KDM5A: variants seen among roughly 807,000 people sequenced by gnomAD.
KDM5A encodes lysine demethylase 5A.
Under a neutral mutation model 193.5 loss-of-function variants are expected in KDM5A, and 42 were observed. That is an observed-to-expected ratio of 0.22 (90% CI 0.17 to 0.28). The LOEUF (loss-of-function observed/expected upper bound fraction) is 0.28. Among genes scored for constraint, KDM5A ranks in the 10% least tolerant of loss-of-function variants. The probability of loss-of-function intolerance (pLI) is 1.00; values close to 1 mark genes in which losing one functional copy is unlikely to be tolerated. For missense variants in KDM5A, 1,692 were observed against 2,055.1 expected (o/e 0.82, Z 3.42); for synonymous variants, 796 against 718.1 (o/e 1.11, Z -1.73).
intron 24 of KDM5A, among the ~76,000 whole-genome samples, chr12:297,450 G>GT (rs1325666446): frequency 6.6e-6 from 1 of 152,200 alleles, no homozygotes; most frequent in African/African-American, 2.4e-5. Context: ...TGATGAATGT[G>GT]TAAGTTAAAC....
intron 18 of KDM5A, among the ~76,000 whole-genome samples, 193 bp from the exon 19 acceptor site, chr12:318,654 C>A (rs1943680030): frequency 6.6e-6 from 1 of 152,178 alleles, no homozygotes; most frequent in South Asian, 2.1e-4. Flanking sequence ...TATTCTCCTA[C>A]TTTTAAAATA....
At position 282,386 on chromosome 12, in the gene KDM5A, A is replaced by G. The variant is rs1943165941; in HGVS notation, c.*3070T>C. 1 of 233,310 alleles carries G rather than the reference A, an allele frequency of 4.3e-6. No individual in the cohort carries two copies. 14.5% of individuals were successfully genotyped at this position (233,310 alleles called of 1,614,324 possible). On this transcript the variant is annotated 3_prime_UTR_variant, in exon 28 of 28. Transcript: ENST00000399788. ...TTCAAGGTATGACATGCAATAATTTATAATTTTACTGAGGCACAAATTTGA... is the reference window on the plus strand; with the variant it reads ...TTCAAGGTATGACATGCAATAATTTGTAATTTTACTGAGGCACAAATTTGA...
intron 5 of KDM5A, among the ~76,000 whole-genome samples, chr12:360,114 A>C (rs1447550111): frequency 6.6e-6 from 1 of 152,116 alleles, no homozygotes; most frequent in Non-Finnish European, 1.5e-5. Flanking sequence ...CTCTACTAAA[A>C]ATATAAAAAA....
intron 14 of KDM5A, 134 bp from the exon 15 acceptor site, chr12:323,915 C>A: frequency 1.4e-6 from 1 of 729,532 alleles, no homozygotes; most frequent in Non-Finnish European, 2.4e-6. Context: ...AATGGCACAA[C>A]ATCAAAATAC....
At chr12:379,400 T>C (rs181652410) in intron 3 of KDM5A, among the ~76,000 whole-genome samples, 40 of 152,286 alleles carry the variant, frequency 2.6e-4, no homozygotes, top group Non-Finnish European at 4.1e-4. Context: ...GGAAAGGAGA[T>C]GAAACAACCC....
At chr12:337,049 T>TG (rs1476836596) in intron 10 of KDM5A, among the ~76,000 whole-genome samples, 1 of 152,164 alleles carries the variant, frequency 6.6e-6, no homozygotes, top group African/African-American at 2.4e-5. Context: ...CCGGATCATG[T>TG]GGGCAGATTT....
rs1943348785 is a variant in KDM5A, at chr12:294,802, T to C, written c.4455+771A>G. 3.3e-5 allele frequency among the ~76,000 whole-genome samples: 5 copies of C among 152,220 alleles called. No homozygotes were observed. The South Asian group carries it at 1.0e-3, about 32-fold the overall frequency. ...TTTACTGGATGTGTGACCTTAATTT[T>C]CCACCTCTCATACTTACTTTCTTCA... On this transcript the variant is annotated intron_variant, in intron 26 of 27. Coordinates refer to ENST00000399788, the MANE Select transcript of KDM5A (RefSeq NM_001042603.3).
chr12:320,033 A>C (rs934029573), intron 18 of KDM5A, among the ~76,000 whole-genome samples: 2 of 152,224 alleles, frequency 1.3e-5, no homozygotes, highest in African/African-American at 4.8e-5. Flanking sequence ...GGAAGACGTA[A>C]GAGAAGAAGA....
intron 9 of KDM5A, among the ~76,000 whole-genome samples, chr12:351,293 A>G (rs941623946): frequency 6.6e-6 from 1 of 151,902 alleles, no homozygotes; most frequent in African/African-American, 2.4e-5. Context: ...CCCACTTATG[A>G]GTGAGAACGT....
rs1283677413 is a variant in KDM5A, at chr12:283,203, C to T, written c.*2253G>A. 4.3e-6 allele frequency: 1 copy of T among 230,752 alleles called. No homozygotes were observed. The highest frequency in any genetic ancestry group is 2.2e-5 in the African/African-American group (1 of 45,152). 14.3% of individuals were successfully genotyped at this position (230,752 alleles called of 1,614,324 possible). A position where few individuals can be genotyped will look rare whatever the true frequency, so the allele number is the denominator to read the frequency against. ...CTTAAAATTACATTCAATTTTTAAC[C>T]CACAAATATCTGAAGACTGTTACAA... On this transcript the variant is annotated 3_prime_UTR_variant, in exon 28 of 28. Transcript: ENST00000399788.
Position 363,030 on chromosome 12 carries a change from T to C in KDM5A, c.605A>G (p.Gln202Arg). The change falls in exon 5 of 28, where the codon CAA becomes CGA. Residue 202 changes from glutamine (Q) to arginine (R), a missense_variant. Gln to Arg is a conservative substitution (Grantham distance 43). Around this residue, in one of 11 missense-constraint regions of KDM5A, gnomAD observed 134 missense variants for 124.2 expected, o/e 1.08. Coordinates refer to ENST00000399788, the MANE Select transcript of KDM5A (RefSeq NM_001042603.3). ...CCTTGTGCCTGGCTCTGGGGAAGTTTGGGTATCAGTGCTGAGAACCTCAGG... is the reference window on the plus strand; with the variant it reads ...CCTTGTGCCTGGCTCTGGGGAAGTTCGGGTATCAGTGCTGAGAACCTCAGG... ...VEPEVLSTDT[Q>R]TSPEPGTRMN... The C allele has an allele frequency of 6.2e-7, 1 of 1,614,174 alleles. No individual in the cohort carries two copies. The highest frequency in any genetic ancestry group is 8.5e-7 in the Non-Finnish European group (1 of 1,180,014).
At chr12:358,429 C>T (rs1003003320) in intron 5 of KDM5A, among the ~76,000 whole-genome samples, 3 of 152,132 alleles carry the variant, frequency 2.0e-5, no homozygotes, top group African/African-American at 4.8e-5. Flanking sequence ...TACTGTTAGT[C>T]GAACAATAAA....
chr12:360,851 G>A (rs2137464059), intron 5 of KDM5A, among the ~76,000 whole-genome samples: 1 of 152,240 alleles, frequency 6.6e-6, no homozygotes, highest in South Asian at 2.1e-4. Context: ...GGGAGAGAAA[G>A]ATTTCTCAGT....
intron 20 of KDM5A, among the ~76,000 whole-genome samples, chr12:312,596 A>C (rs778087392): frequency 1.3e-5 from 2 of 152,224 alleles, no homozygotes; most frequent in Non-Finnish European, 2.9e-5. Context: ...ATCAGACGAA[A>C]GAGTAAGTGA....
At chr12:383,594 T>A (rs1361852156) in intron 3 of KDM5A, among the ~76,000 whole-genome samples, 1 of 152,122 alleles carries the variant, frequency 6.6e-6, no homozygotes, top group Non-Finnish European at 1.5e-5. Context: ...AAGATAACAT[T>A]AGCAGGCTAG....
At chr12:305,969 G>GTTTTTTTTTT (rs3038312) in intron 24 of KDM5A, among the ~76,000 whole-genome samples, 1 of 104,218 alleles carries the variant, frequency 9.6e-6, no homozygotes, top group African/African-American at 3.9e-5. Context: ...CAATGGAAGT[G>GTTTTTTTTTT]TTTTTTTTTT....
chr12:373,016 G>A (rs1055239170), intron 3 of KDM5A, among the ~76,000 whole-genome samples: 5 of 152,118 alleles, frequency 3.3e-5, no homozygotes, highest in African/African-American at 1.2e-4. Context: ...GAAGATTTTC[G>A]CATCGATGTT....
At chr12:329,312 G>T (rs1011997520) in intron 13 of KDM5A, 8 of 430,688 alleles carry the variant, frequency 1.9e-5, no homozygotes, top group South Asian at 1.0e-4. Context: ...GAGTTCTTTG[G>T]TATATAACTG....
chr12:367,839 C>T (rs2137473584), intron 3 of KDM5A, among the ~76,000 whole-genome samples: 1 of 151,494 alleles, frequency 6.6e-6, no homozygotes, highest in South Asian at 2.1e-4. Flanking sequence ...TCTGGCCTGG[C>T]TGATCCTGTC....
Sources: allele counts gnomAD v4.1 joint callset (sites outside exome capture counted in the v4.1 genomes callset), GRCh38; gene constraint gnomAD v4.1.1; regional missense constraint gnomAD v4.1.1; transcripts MANE v1.5; gene names NCBI Gene and HGNC (gene_info 2026-07-23, HGNC 2026-07-21).